Variants in NRXN3 observed in about 807,000 individuals in gnomAD.
NRXN3 encodes the protein neurexin 3, also known as neurexin III.
NRXN3 carries 32 observed loss-of-function variants against 137.6 expected under a neutral mutation model. That is an observed-to-expected ratio of 0.23 (90% CI 0.18 to 0.31). NRXN3 has a LOEUF of 0.31. Among genes scored for constraint, NRXN3 ranks in the 10% least tolerant of loss-of-function variants. NRXN3 has a pLI of 1.00. For synonymous variants in NRXN3, 798 were observed against 784.5 expected (o/e 1.02, Z -0.29); for missense variants, 1,574 against 2,062.5 (o/e 0.76, Z 4.59).
rs1321026019 is a variant in NRXN3 at position 79,714,460 on chromosome 14, TA to T, written c.4014+16524del. 2.0e-5 allele frequency among the ~76,000 whole-genome samples: 3 copies of T among 152,262 alleles called. No individual in the cohort carries two copies. In the East Asian group the frequency reaches 5.8e-4, roughly 29 times the overall value. On this transcript the variant is annotated intron_variant, in intron 19 of 20. Coordinates refer to ENST00000335750, the MANE Select transcript of NRXN3 (RefSeq NM_001330195.2). ...ATATTTGAAGAAGTAAGAGGATAAATAGCAAAACTCACTTCCAACATCATAC... is the reference window on the plus strand; with the variant it reads ...ATATTTGAAGAAGTAAGAGGATAAATGCAAAACTCACTTCCAACATCATAC...
At chr14:79,754,322 C>T (rs908328459) in intron 19 of NRXN3, among the ~76,000 whole-genome samples, 4 of 151,368 alleles carry the variant, frequency 2.6e-5, no homozygotes, top group African/African-American at 7.3e-5. Flanking sequence ...CTGGCCTGGA[C>T]GACAGAGCGA....
At chr14:78,185,593 A>G (rs1238532980) in intron 1 of NRXN3, among the ~76,000 whole-genome samples, 1 of 152,118 alleles carries the variant, frequency 6.6e-6, no homozygotes, top group Admixed American at 6.5e-5. Flanking sequence ...TTTGTAGGGG[A>G]TGGGGTTCAC....
intron 15 of NRXN3, among the ~76,000 whole-genome samples, chr14:79,237,385 G>C (rs539372862): frequency 1.5e-4 from 23 of 152,212 alleles, no homozygotes; most frequent in African/African-American, 5.3e-4. Flanking sequence ...ATTAGAAACA[G>C]AGCTATAAAA....
intron 4 of NRXN3, among the ~76,000 whole-genome samples, chr14:78,429,224 G>T (rs1489351104): frequency 7.1e-6 from 1 of 141,332 alleles, no homozygotes; most frequent in East Asian, 2.0e-4. Flanking sequence ...TTAAAAGTGT[G>T]TGCAAACATA....
intron 6 of NRXN3, among the ~76,000 whole-genome samples, chr14:78,671,593 T>C (rs748209203): frequency 6.7e-6 from 1 of 148,566 alleles, no homozygotes; most frequent in Non-Finnish European, 1.5e-5. Flanking sequence ...AAGTCAAACA[T>C]GTGAAAAAAA....
Position 79,223,722 on chromosome 14 carries a change from T to G in NRXN3, c.3262+235581T>G, listed in dbSNP as rs541691847. Among the ~76,000 whole-genome samples, 10 of 152,288 alleles carry G rather than the reference T, an allele frequency of 6.6e-5. No homozygotes were observed. The East Asian group carries it at 1.9e-3, about 29-fold the overall frequency. On this transcript the variant is annotated intron_variant, in intron 15 of 20. Coordinates refer to ENST00000335750, the MANE Select transcript of NRXN3 (RefSeq NM_001330195.2). Reference sequence around the variant, plus strand: ...ACCAAATCTATGGTTTAGACATTTTTTAGCACTTTGCTCCAACCTGTTACA... The same window carrying G: ...ACCAAATCTATGGTTTAGACATTTTGTAGCACTTTGCTCCAACCTGTTACA...
chr14:78,297,858 A>T lies in NRXN3; in HGVS notation c.755A>T (p.Gln252Leu). 1.3e-6 allele frequency: 2 copies of T among 1,536,336 alleles called. No individual in the cohort carries two copies. The highest frequency in any genetic ancestry group is 1.7e-6 in the Non-Finnish European group (2 of 1,146,906). ...PGLSHLMMSE[Q>L]AREENVATFR... The stretch of plus-strand genomic sequence containing the variant: ...CTCTCCCACCTCATGATGAGTGAAC[A>T]AGGTAGGTGCTTTGTGCTTGTGGTC... The change falls in exon 4 of 21, where the codon CAA becomes CTA. Residue 252 changes from glutamine to leucine, a missense_variant and splice_region_variant. Transcript: ENST00000335750.
chr14:78,985,962 T>G (rs2099502546), intron 14 of NRXN3, among the ~76,000 whole-genome samples: 1 of 152,154 alleles, frequency 6.6e-6, no homozygotes, highest in African/African-American at 2.4e-5. Flanking sequence ...GTAACCCCAG[T>G]GTTAGTAATT....
chr14:79,099,222 C>T (rs562497726), intron 15 of NRXN3, among the ~76,000 whole-genome samples: 13 of 152,092 alleles, frequency 8.5e-5, no homozygotes. Flanking sequence ...AGTGTATAAG[C>T]AGAGTTTGCT....
intron 4 of NRXN3, among the ~76,000 whole-genome samples, chr14:78,307,857 C>T (rs1386013547): frequency 6.6e-6 from 1 of 152,156 alleles, no homozygotes; most frequent in African/African-American, 2.4e-5. Context: ...GCAGCTTGGC[C>T]TTTGCCATCC....
intron 4 of NRXN3, among the ~76,000 whole-genome samples, chr14:78,471,032 G>T (rs1267867845): frequency 2.6e-5 from 4 of 152,116 alleles, no homozygotes; most frequent in African/African-American, 9.7e-5. Flanking sequence ...GTTCTTGCTT[G>T]TGTAATGACA....
chr14:79,775,246 C>T (rs537262450), intron 19 of NRXN3, among the ~76,000 whole-genome samples: 6 of 152,126 alleles, frequency 3.9e-5, no homozygotes, highest in African/African-American at 2.4e-5. Context: ...ATATTTGTCA[C>T]ATAAAAACAG....
intron 8 of NRXN3, among the ~76,000 whole-genome samples, chr14:78,747,891 T>C (rs1489766513): frequency 2.0e-5 from 3 of 152,214 alleles, no homozygotes; most frequent in African/African-American, 7.2e-5. Flanking sequence ...TTTTGTGCAT[T>C]ATGGGACTTT....
chr14:78,576,175 T>C (rs1172543650), intron 4 of NRXN3, among the ~76,000 whole-genome samples: 1 of 152,158 alleles, frequency 6.6e-6, no homozygotes, highest in Non-Finnish European at 1.5e-5. Flanking sequence ...AGGGAGGAAA[T>C]AGAGGCAAGT....
At chr14:79,392,153 C>A (rs1001490123) in intron 15 of NRXN3, among the ~76,000 whole-genome samples, 35 of 152,178 alleles carry the variant, frequency 2.3e-4, no homozygotes, top group Non-Finnish European at 2.9e-5. Flanking sequence ...AACCCCCACA[C>A]TCCCCAACAG....
At chr14:78,381,422 A>G (rs1469807594) in intron 4 of NRXN3, among the ~76,000 whole-genome samples, 1 of 152,244 alleles carries the variant, frequency 6.6e-6, no homozygotes, top group African/African-American at 2.4e-5. Context: ...AAGCACCCTT[A>G]AAAGTCAACA....
intron 8 of NRXN3, among the ~76,000 whole-genome samples, chr14:78,726,012 G>C (rs561059145): frequency 6.6e-6 from 1 of 151,976 alleles, no homozygotes; most frequent in Non-Finnish European, 1.5e-5. Flanking sequence ...GTGATCTCTG[G>C]GTCTTCCACT....
intron 4 of NRXN3, among the ~76,000 whole-genome samples, chr14:78,633,267 A>AAAAAAAAAAAAAAAGAG (rs1376443966): frequency 6.7e-6 from 1 of 150,084 alleles, no homozygotes; most frequent in African/African-American, 2.5e-5. Context: ...AAAAAAAAAA[A>AAAAAAAAAAAAAAAGAG]AGAGACTGGT....
intron 9 of NRXN3, among the ~76,000 whole-genome samples, chr14:78,807,549 A>T (rs2098880535): frequency 1.3e-5 from 2 of 152,000 alleles, no homozygotes; most frequent in South Asian, 4.1e-4. Flanking sequence ...CAGCCTGGCC[A>T]ACATGGTGAA....
Sources: gnomAD v4.1 joint callset for allele counts (sites outside exome capture counted in the v4.1 genomes callset) on GRCh38, gnomAD v4.1.1 for gene constraint, MANE v1.5 for transcripts, NCBI Gene and HGNC (gene_info 2026-07-23, HGNC 2026-07-21) for gene names.